Variants in BUD13 observed in about 807,000 individuals in gnomAD.
BUD13 encodes BUD13 spliceosome associated protein.
BUD13 carries 47 observed loss-of-function variants against 62.5 expected under a neutral mutation model. The ratio of observed to expected loss-of-function variants is 0.75; its 90% CI spans 0.60 to 0.96. The LOEUF (loss-of-function observed/expected upper bound fraction) is 0.96. Ranked by LOEUF, BUD13 falls within the 40% of genes least tolerant of loss-of-function variation. BUD13 has a pLI of 0.00. For synonymous variants in BUD13, 293 were observed against 280.1 expected (o/e 1.05, Z -0.46); for missense variants, 821 against 790.9 (o/e 1.04, Z -0.46).
At position 116,757,162 on chromosome 11, in the gene BUD13, A is replaced by C. The variant is rs1940341284; in HGVS notation, c.1750T>G (p.Trp584Gly). The change falls in exon 9 of 10, where the codon TGG (tryptophan) becomes GGG (glycine). Residue 584 changes from tryptophan (W) to glycine (G), a missense_variant. By Grantham distance (184) the Trp-to-Gly change is radical. Coordinates refer to ENST00000260210, the MANE Select transcript of BUD13 (RefSeq NM_032725.4). ...NRFNIWPGYR[W>G]DGVDRSNGFE... is the part of the protein sequence containing the mutation. ...CAGGCTTACCTGTCCACTCCGTCCC[A>C]GCGATATCCAGGCCAGATATTAAAT... 1 of 1,614,166 alleles carries C rather than the reference A, an allele frequency of 6.2e-7. No individual in the cohort carries two copies. The highest frequency in any genetic ancestry group is 8.5e-7 in the Non-Finnish European group (1 of 1,179,966).
At chr11:116,767,680 A>G (rs1483655788) in intron 2 of BUD13, among the ~76,000 whole-genome samples, 5 of 151,318 alleles carry the variant, frequency 3.3e-5, no homozygotes, top group African/African-American at 1.2e-4. Context: ...TTTGTTAATA[A>G]TCCTTCAATA....
At chr11:116,767,875 A>G (rs1187168718) in intron 2 of BUD13, among the ~76,000 whole-genome samples, 1 of 151,632 alleles carries the variant, frequency 6.6e-6, no homozygotes, top group Non-Finnish European at 1.5e-5. Flanking sequence ...TGCAGGACTA[A>G]GGTAGGAGGA....
At position 116,768,456 on chromosome 11, in the gene BUD13, A is replaced by G. The variant is rs758352098; in HGVS notation, c.237+1673T>C. Among the ~76,000 whole-genome samples, 59 of 152,228 alleles carry G rather than the reference A, an allele frequency of 3.9e-4. 1 individual carries two copies. The highest frequency in any genetic ancestry group is 7.5e-4 in the Non-Finnish European group (51 of 68,030). ...ATAATCTCTAAAGAGAAAAACCTGA[A>G]GAGATATGCATCCAAGTATTAGCAG... is the stretch of plus-strand genomic sequence containing the variant. On this transcript the variant is annotated intron_variant, in intron 2 of 9. Transcript: ENST00000260210.
chr11:116,772,290 G>T (rs535685492), intron 1 of BUD13, among the ~76,000 whole-genome samples: 1 of 152,278 alleles, frequency 6.6e-6, no homozygotes, highest in South Asian at 2.1e-4. Flanking sequence ...GTGTGGTGAG[G>T]CTTAAATAAA....
At chr11:116,765,551 G>A in intron 2 of BUD13, 105 bp from the exon 3 acceptor site, 1 of 1,190,382 alleles carries the variant, frequency 8.4e-7, no homozygotes, top group Non-Finnish European at 1.2e-6. Flanking sequence ...TAACACAAGG[G>A]CGTACATATA....
intron 2 of BUD13, among the ~76,000 whole-genome samples, 191 bp downstream of exon 2, chr11:116,769,938 T>A (rs1250795816): frequency 6.6e-6 from 1 of 150,998 alleles, no homozygotes; most frequent in Non-Finnish European, 1.5e-5. Flanking sequence ...GTGCCTGTAA[T>A]CCCAGCTACT....
At chr11:116,765,214 G>A (rs1405176372) in intron 3 of BUD13, 148 bp downstream of exon 3, 1 of 740,190 alleles carries the variant, frequency 1.4e-6, no homozygotes, top group Non-Finnish European at 2.2e-6. Flanking sequence ...TACCTCTGAA[G>A]AAGTCCAACT....
chr11:116,757,487 G>A (rs1421338467), intron 8 of BUD13, among the ~76,000 whole-genome samples: 1 of 146,652 alleles, frequency 6.8e-6, no homozygotes, highest in Admixed American at 6.9e-5. Flanking sequence ...TGTATTTTTA[G>A]TAGAGATGGG....
Position 116,758,337 on chromosome 11 carries a change from A to C in BUD13, c.1431T>G (p.Arg477=). 1 of 1,614,040 alleles carries C rather than the reference A, an allele frequency of 6.2e-7. No homozygotes were observed. The highest frequency in any genetic ancestry group is 8.5e-7 in the Non-Finnish European group (1 of 1,180,020). The change falls in exon 7 of 10, where the codon CGT becomes CGG. Residue 477 remains arginine, a synonymous_variant. Transcript: ENST00000260210. ...SGRKRNLKLE[R]LEQRRKAEKD... ...TTTCTGCTTTCCTCCTTTGCTCTAAACGTTCGAGTTTCAAATTCCTCTTAC... is the reference window on the plus strand; with the variant it reads ...TTTCTGCTTTCCTCCTTTGCTCTAACCGTTCGAGTTTCAAATTCCTCTTAC...
chr11:116,748,538 C>G lies in BUD13; in HGVS notation c.1804G>C (p.Ala602Pro). 6.2e-7 allele frequency: 1 copy of G among 1,614,238 alleles called. No individual in the cohort carries two copies. The highest frequency in any genetic ancestry group is 8.5e-7 in the Non-Finnish European group (1 of 1,180,038). ...AGTTCCTCCACTGCCTTCTTGCTGG[C>G]AAGCCTGGCAAAGCGCTTCTGTTCA... ...GFEQKRFARL[A>P]SKKAVEELAY... The change falls in exon 10 of 10, where the codon GCC becomes CCC. Residue 602 changes from alanine to proline, a missense_variant. Ala to Pro is a conservative substitution (Grantham distance 27). Coordinates refer to ENST00000260210, the MANE Select transcript of BUD13 (RefSeq NM_032725.4).
At chr11:116,760,270 A>C (rs1940406372) in intron 5 of BUD13, among the ~76,000 whole-genome samples, 1 of 152,246 alleles carries the variant, frequency 6.6e-6, no homozygotes, top group Admixed American at 6.5e-5. Flanking sequence ...AACCTTACAC[A>C]GTAGGTACTA....
At chr11:116,758,220 C>T in intron 7 of BUD13, 49 bp downstream of exon 7, 1 of 1,605,310 alleles carries the variant, frequency 6.2e-7, no homozygotes, top group Non-Finnish European at 8.5e-7. Context: ...AGAGAAATGA[C>T]TTGTTCCAGT....
chr11:116,757,419 C>A (rs902583322), intron 8 of BUD13, among the ~76,000 whole-genome samples, 192 bp from the exon 9 acceptor site: 3 of 152,084 alleles, frequency 2.0e-5, no homozygotes, highest in African/African-American at 7.2e-5. Flanking sequence ...CCTTAGCCTC[C>A]CAACTAGCCG....
intron 3 of BUD13, 79 bp from the exon 4 acceptor site, chr11:116,763,345 T>C (rs1176510674): frequency 1.5e-6 from 2 of 1,328,570 alleles, no homozygotes; most frequent in African/African-American, 1.5e-5. Context: ...TTTCAAAAGA[T>C]GCTCCAGTAG....
At chr11:116,763,363 C>T (rs1409626790) in intron 3 of BUD13, 97 bp from the exon 4 acceptor site, 2 of 1,086,270 alleles carry the variant, frequency 1.8e-6, no homozygotes, top group African/African-American at 3.2e-5. Flanking sequence ...TAGCACATAC[C>T]TCAGAACTGC....
chr11:116,755,035 C>T (rs77645953), intron 9 of BUD13, among the ~76,000 whole-genome samples: 2,130 of 152,210 alleles, frequency 0.014, 26 homozygotes, highest in African/African-American at 0.043. Flanking sequence ...AATATAGAAA[C>T]CAATCCTGTG....
At chr11:116,751,501 G>A (rs955977866) in intron 9 of BUD13, among the ~76,000 whole-genome samples, 1 of 152,048 alleles carries the variant, frequency 6.6e-6, no homozygotes, top group South Asian at 2.1e-4. Flanking sequence ...TGGTGCTCAC[G>A]CCTGTAATCC....
chr11:116,772,408 C>T (rs1169937748), intron 1 of BUD13, among the ~76,000 whole-genome samples: 1 of 152,182 alleles, frequency 6.6e-6, no homozygotes, highest in Admixed American at 6.5e-5. Context: ...AGGAGGTGAT[C>T]AAAGGTCTCT....
rs773069568 is a variant in BUD13, at chr11:116,762,948, G to A, written c.641C>T (p.Ser214Phe). Residue 214 changes from serine to phenylalanine, a missense_variant, in exon 4 of 10, where the codon TCT (serine) becomes TTT (phenylalanine). Around this residue, in one of 2 missense-constraint regions of BUD13, gnomAD observed 800 missense variants for 739.2 expected, o/e 1.08. Transcript: ENST00000260210. ...RRPQHNSSGA[S>F]PRRVRHDSPD... ...TGAATCATGACGGACTCTCCTAGGAGATGCACCTGAAGAATTATGCTGAGG... is the reference window on the plus strand; with the variant it reads ...TGAATCATGACGGACTCTCCTAGGAAATGCACCTGAAGAATTATGCTGAGG... The A allele has an allele frequency of 6.2e-7, 1 of 1,614,098 alleles. No individual in the cohort carries two copies. Among genetic ancestry groups the A allele is most frequent in the Non-Finnish European group, 8.5e-7 (1 of 1,179,990 alleles).
Sources: gnomAD v4.1 joint callset for allele counts (sites outside exome capture counted in the v4.1 genomes callset) on GRCh38, gnomAD v4.1.1 for gene constraint, gnomAD v4.1.1 regional missense constraint, MANE v1.5 for transcripts, NCBI Gene and HGNC (gene_info 2026-07-23, HGNC 2026-07-21) for gene names.